Variants in LIMCH1 observed in about 807,000 individuals in gnomAD.
LIMCH1 encodes the protein LIM and calponin homology domains-containing protein 1.
Under a neutral mutation model 176.5 loss-of-function variants are expected in LIMCH1, and 113 were observed. The observed-to-expected ratio is 0.64, with a 90% CI of 0.55 to 0.75. The LOEUF (loss-of-function observed/expected upper bound fraction) is 0.75. Ranked by LOEUF, LIMCH1 falls within the 30% of genes least tolerant of loss-of-function variation. LIMCH1 has a pLI of 0.00. For synonymous variants in LIMCH1, 619 were observed against 645.9 expected, an observed-to-expected ratio of 0.96 and a Z score of 0.63; for missense variants, 1,674 against 1,814.9, an observed-to-expected ratio of 0.92 and a Z score of 1.41.
chr4:41,560,680 A>AT, intron 1 of LIMCH1, among the ~76,000 whole-genome samples: 1 of 152,082 alleles, frequency 6.6e-6, no homozygotes, highest in East Asian at 1.9e-4. Context: ...GAGCCCAGGA[A>AT]TTTGAGACCA....
chr4:41,549,833 A>G (rs1253998556), intron 1 of LIMCH1, among the ~76,000 whole-genome samples: 1 of 150,590 alleles, frequency 6.6e-6, no homozygotes, highest in Non-Finnish European at 1.5e-5. Flanking sequence ...TTGAAGAAAC[A>G]GATAGAAATC....
chr4:41,427,007 C>T (rs1482985665), intron 1 of LIMCH1, among the ~76,000 whole-genome samples: 1 of 152,188 alleles, frequency 6.6e-6, no homozygotes, highest in Non-Finnish European at 1.5e-5. Context: ...CCTCCAGTGC[C>T]TCACACAATT....
At chr4:41,647,257 C>T (rs1452198822) in intron 17 of LIMCH1, among the ~76,000 whole-genome samples, 1 of 152,182 alleles carries the variant, frequency 6.6e-6, no homozygotes, top group African/African-American at 2.4e-5. Flanking sequence ...TGGCAGACTC[C>T]TCAAAACAAA....
At chr4:41,429,477 G>A (rs910326894) in intron 1 of LIMCH1, among the ~76,000 whole-genome samples, 1 of 152,118 alleles carries the variant, frequency 6.6e-6, no homozygotes, top group Non-Finnish European at 1.5e-5. Flanking sequence ...CGACAACAAT[G>A]GCATTTGGCA....
intron 13 of LIMCH1, among the ~76,000 whole-genome samples, chr4:41,636,296 A>G (rs1385033800): frequency 6.9e-6 from 1 of 145,400 alleles, no homozygotes; most frequent in Non-Finnish European, 1.5e-5. Context: ...TTACCTCATA[A>G]CCTATTGAGT....
chr4:41,670,724 C>T (rs938148610), intron 21 of LIMCH1: 20 of 1,535,524 alleles, frequency 1.3e-5, no homozygotes, highest in Non-Finnish European at 1.7e-5. Flanking sequence ...CTAGAGTCGC[C>T]TGGCACTGCC....
At chr4:41,524,725 G>T (rs1416255989) in intron 3 of LIMCH1, among the ~76,000 whole-genome samples, 1 of 152,192 alleles carries the variant, frequency 6.6e-6, no homozygotes, top group African/African-American at 2.4e-5. Context: ...AGCTAAATTT[G>T]TTTTGGTGTG....
At chr4:41,509,398 A>G (rs753421377) in intron 2 of LIMCH1, among the ~76,000 whole-genome samples, 2 of 152,166 alleles carry the variant, frequency 1.3e-5, no homozygotes, top group South Asian at 2.1e-4. Flanking sequence ...GCTCGCTCCA[A>G]TCTCAGCAAA....
intron 1 of LIMCH1, among the ~76,000 whole-genome samples, chr4:41,571,379 G>A (rs577993191): frequency 6.6e-6 from 1 of 152,224 alleles, no homozygotes; most frequent in African/African-American, 2.4e-5. Flanking sequence ...CGGAACACAG[G>A]AGTGTATAAA....
chr4:41,672,231 G>A (rs1232484451), intron 22 of LIMCH1, among the ~76,000 whole-genome samples: 1 of 152,084 alleles, frequency 6.6e-6, no homozygotes, highest in Non-Finnish European at 1.5e-5. Context: ...TTAGCTGGGT[G>A]TGCTGGCGGG....
In LIMCH1 at chr4:41,656,746, A is replaced by G. The variant is rs569385428; in HGVS notation, c.3037-4674A>G. Among the ~76,000 whole-genome samples, 3 of 152,266 alleles carry G rather than the reference A, an allele frequency of 2.0e-5. No individual in the cohort carries two copies. The East Asian group carries it at 5.8e-4, about 29-fold the overall frequency. ...CTTGTGTCCAGATAAGTTGTCCAAG[A>G]CGAGAGCCAGGAAATCGCTCAGAGT... On this transcript the variant is annotated intron_variant, in intron 18 of 31. Coordinates refer to ENST00000503057, the MANE Select transcript of LIMCH1 (RefSeq NM_001330672.2).
chr4:41,404,851 A>G (rs969209272), intron 1 of LIMCH1, among the ~76,000 whole-genome samples: 1 of 152,124 alleles, frequency 6.6e-6, no homozygotes, highest in Non-Finnish European at 1.5e-5. Flanking sequence ...ATTCCAGGGC[A>G]TGTTAGTTCA....
chr4:41,440,063 A>G (rs2062542714), intron 1 of LIMCH1, among the ~76,000 whole-genome samples: 1 of 152,222 alleles, frequency 6.6e-6, no homozygotes, highest in Admixed American at 6.5e-5. Context: ...TAGTATTCCT[A>G]TACTGTGTAA....
At chr4:41,641,041 G>A (rs1177227634) in intron 14 of LIMCH1, among the ~76,000 whole-genome samples, 3 of 152,100 alleles carry the variant, frequency 2.0e-5, no homozygotes, top group Admixed American at 2.0e-4. Context: ...TTCCTTTACG[G>A]TAGACTTGGC....
chr4:41,685,482 A>G (rs924589505), intron 27 of LIMCH1, among the ~76,000 whole-genome samples: 2 of 152,212 alleles, frequency 1.3e-5, no homozygotes, highest in African/African-American at 4.8e-5. Context: ...CTGTTTTATG[A>G]CATCAGAAAT....
At chr4:41,391,864 T>C (rs2154111718) in intron 1 of LIMCH1, among the ~76,000 whole-genome samples, 1 of 152,344 alleles carries the variant, frequency 6.6e-6, no homozygotes, top group East Asian at 1.9e-4. Flanking sequence ...TTAATAGTGT[T>C]GTACCAATGT....
At chr4:41,604,016 T>A in intron 3 of LIMCH1, 111 bp downstream of exon 3, 1 of 1,034,602 alleles carries the variant, frequency 9.7e-7, no homozygotes, top group Non-Finnish European at 1.4e-6. Flanking sequence ...AAAAAGTATA[T>A]GTGTATTTCA....
intron 1 of LIMCH1, among the ~76,000 whole-genome samples, chr4:41,375,797 G>A (rs555436253): frequency 2.0e-5 from 3 of 152,370 alleles, no homozygotes; most frequent in South Asian, 4.1e-4. Context: ...CCCAGGGCGA[G>A]TACGGGAAAG....
At chr4:41,632,414 G>T (rs1475424040) in intron 10 of LIMCH1, among the ~76,000 whole-genome samples, 2 of 151,968 alleles carry the variant, frequency 1.3e-5, no homozygotes, top group Non-Finnish European at 2.9e-5. Context: ...CAGAAATAAA[G>T]AGTTGAGGTT....
Sources: allele counts gnomAD v4.1 joint callset (sites outside exome capture counted in the v4.1 genomes callset), GRCh38; gene constraint gnomAD v4.1.1; transcripts MANE v1.5; gene names NCBI Gene and HGNC (gene_info 2026-07-23, HGNC 2026-07-21).